The following GLIS3 variants were observed in gnomAD, a reference collection of about 807,000 sequenced individuals.
GLIS3 encodes GLIS family zinc finger 3.
Under a neutral mutation model 78.6 loss-of-function variants are expected in GLIS3, and 53 were observed. The observed-to-expected ratio is 0.67, with a 90% CI of 0.54 to 0.85. The LOEUF (loss-of-function observed/expected upper bound fraction) is 0.85. Among genes scored for constraint, GLIS3 ranks in the 40% least tolerant of loss-of-function variants. The probability of loss-of-function intolerance (pLI) is 0.00; values close to 1 mark genes in which losing one functional copy is unlikely to be tolerated. For synonymous variants in GLIS3, 684 were observed against 509.9 expected (o/e 1.34, Z -4.60); for missense variants, 1,703 against 1,231.1 (o/e 1.38, Z -5.74).
the GLIS3 span, among the ~76,000 whole-genome samples, chr9:4,400,671 G>A: frequency 6.6e-5 from 10 of 152,178 alleles, no homozygotes; most frequent in Non-Finnish European, 1.5e-4. Context: ...GTCTAAAATG[G>A]AATGTTAAAT....
chr9:4,354,808 A>G, the GLIS3 span, among the ~76,000 whole-genome samples: 2 of 152,150 alleles, frequency 1.3e-5, no homozygotes, highest in Admixed American at 6.5e-5. Context: ...GGAATAAGCT[A>G]CTGTCACCTT....
chr9:4,344,752 A>G (rs1817877440), intron 2 of GLIS3, among the ~76,000 whole-genome samples: 1 of 152,176 alleles, frequency 6.6e-6, no homozygotes. Flanking sequence ...TCCTCCTAAA[A>G]TAGGTCCCTT....
chr9:4,179,788 T>C (rs1817136378), intron 2 of GLIS3, among the ~76,000 whole-genome samples: 1 of 151,782 alleles, frequency 6.6e-6, no homozygotes, highest in South Asian at 2.1e-4. Context: ...CGCATGCCTG[T>C]AATCCCAGCT....
intron 4 of GLIS3, among the ~76,000 whole-genome samples, chr9:4,003,036 T>C (rs1821244840): frequency 6.6e-6 from 1 of 152,200 alleles, no homozygotes. Flanking sequence ...TATGGTTTGG[T>C]GTTACCTGAA....
At chr9:4,060,366 G>A (rs1337682183) in intron 4 of GLIS3, among the ~76,000 whole-genome samples, 1 of 152,078 alleles carries the variant, frequency 6.6e-6, no homozygotes, top group African/African-American at 2.4e-5. Flanking sequence ...ACCTTCAGTG[G>A]TCATCCCTTT....
intron 2 of GLIS3, among the ~76,000 whole-genome samples, chr9:4,343,970 G>C (rs1817870639): frequency 6.6e-6 from 1 of 152,120 alleles, no homozygotes; most frequent in South Asian, 2.1e-4. Flanking sequence ...TAGGTACTGT[G>C]CTTATTACCT....
At chr9:4,084,254 CTA>C (rs1491231497) in intron 4 of GLIS3, among the ~76,000 whole-genome samples, 47 of 122,320 alleles carry the variant, frequency 3.8e-4, no homozygotes, top group East Asian at 3.2e-3. Flanking sequence ...CTTCCTCTCT[CTA>C]ACACACACAC....
At chr9:3,978,678 A>G (rs1818988278) in intron 4 of GLIS3, among the ~76,000 whole-genome samples, 1 of 152,052 alleles carries the variant, frequency 6.6e-6, no homozygotes, top group Non-Finnish European at 1.5e-5. Context: ...TGTACTTTCT[A>G]TATATGAGTA....
chr9:4,231,815 C>G (rs1490818845), intron 2 of GLIS3, among the ~76,000 whole-genome samples: 1 of 152,164 alleles, frequency 6.6e-6, no homozygotes, highest in East Asian at 1.9e-4. Flanking sequence ...TCCTACTACT[C>G]ACAGACCCAT....
chr9:4,470,023 G>A, the GLIS3 span, among the ~76,000 whole-genome samples: 1 of 152,108 alleles, frequency 6.6e-6, no homozygotes, highest in East Asian at 1.9e-4. Context: ...ATAAATTCCT[G>A]GACACATACA....
At chr9:4,169,511 G>C (rs150212162) in intron 2 of GLIS3, among the ~76,000 whole-genome samples, 17 of 152,266 alleles carry the variant, frequency 1.1e-4, no homozygotes, top group African/African-American at 2.9e-4. Flanking sequence ...TTGTGATCCA[G>C]TATTTTCTTT....
chr9:4,080,864 T>A (rs3925025), intron 4 of GLIS3, among the ~76,000 whole-genome samples: 2 of 152,068 alleles, frequency 1.3e-5, no homozygotes, highest in African/African-American at 4.8e-5. Context: ...TGGATCATCT[T>A]GACCCCCGGG....
At chr9:4,390,730 G>A in the GLIS3 span, among the ~76,000 whole-genome samples, 1 of 152,118 alleles carries the variant, frequency 6.6e-6, no homozygotes, top group African/African-American at 2.4e-5. Context: ...GTAGTCCACT[G>A]TGGGACAGGA....
Position 3,879,460 on chromosome 9 carries a change from G to T in GLIS3, c.2264C>A (p.Pro755His). 1 of 1,614,110 alleles carries T rather than the reference G, an allele frequency of 6.2e-7. No homozygotes were observed. Among genetic ancestry groups the T allele is most frequent in the Non-Finnish European group, 8.5e-7 (1 of 1,180,004 alleles). ...TCCTGCGTCCACAGCTGTGAGTGGA[G>T]GTAACTGGGAGGAGGGGTTGTGAGG... ...GSPHNPSSQL[P>H]PLTAVDAGAE... Residue 755 changes from proline to histidine, a missense_variant, in exon 8 of 11, where the codon CCT (proline) becomes CAT (histidine). Pro to His is a moderately conservative substitution (Grantham distance 77, BLOSUM62 -2). Transcript: ENST00000381971.
intron 2 of GLIS3, among the ~76,000 whole-genome samples, chr9:4,177,735 T>C (rs1816935748): frequency 6.6e-6 from 1 of 152,218 alleles, no homozygotes; most frequent in African/African-American, 2.4e-5. Context: ...GTAAGAAATC[T>C]TCATATGGAA....
the GLIS3 span, among the ~76,000 whole-genome samples, chr9:4,407,481 T>C: frequency 1.3e-5 from 2 of 152,030 alleles, no homozygotes; most frequent in African/African-American, 4.8e-5. Context: ...CCGTCTCTAC[T>C]AAAAATACAA....
chr9:4,170,256 A>G (rs1440502765), intron 2 of GLIS3, among the ~76,000 whole-genome samples: 4 of 152,352 alleles, frequency 2.6e-5, no homozygotes, highest in South Asian at 4.1e-4. Flanking sequence ...CAATAAAATT[A>G]GAGAAAAATT....
chr9:4,094,384 C>G (rs1041766993), intron 4 of GLIS3, among the ~76,000 whole-genome samples: 1 of 152,138 alleles, frequency 6.6e-6, no homozygotes, highest in Non-Finnish European at 1.5e-5. Flanking sequence ...AACATTTCCT[C>G]TGTTTTAATT....
the GLIS3 span, among the ~76,000 whole-genome samples, chr9:4,436,524 G>T: frequency 6.6e-6 from 1 of 152,068 alleles, no homozygotes; most frequent in Non-Finnish European, 1.5e-5. Flanking sequence ...AGACGGCAAG[G>T]ACTGGGCTGG....
Sources: gnomAD v4.1 joint callset for allele counts (sites outside exome capture counted in the v4.1 genomes callset) on GRCh38, gnomAD v4.1.1 for gene constraint, MANE v1.5 for transcripts, NCBI Gene and HGNC (gene_info 2026-07-23, HGNC 2026-07-21) for gene names.